RABGAP1L: variants seen among roughly 807,000 people sequenced by gnomAD.
RABGAP1L encodes the protein RAB GTPase activating protein 1 like.
A neutral mutation model predicts 137.7 loss-of-function variants in RABGAP1L; 63 were observed. The ratio of observed to expected loss-of-function variants is 0.46; its 90% CI spans 0.37 to 0.56. The LOEUF (loss-of-function observed/expected upper bound fraction) is 0.56. Among genes scored for constraint, RABGAP1L ranks in the 20% least tolerant of loss-of-function variants. The pLI, the probability that RABGAP1L is intolerant of heterozygous loss-of-function variation, is 0.00. For missense variants in RABGAP1L, 1,095 were observed against 1,244.0 expected, an observed-to-expected ratio of 0.88 and a Z score of 1.80; for synonymous variants, 431 against 433.7, an observed-to-expected ratio of 0.99 and a Z score of 0.08.
chr1:174,641,198 A>G (rs1674507981), intron 14 of RABGAP1L, among the ~76,000 whole-genome samples: 1 of 151,936 alleles, frequency 6.6e-6, no homozygotes, highest in Non-Finnish European at 1.5e-5. Flanking sequence ...AGGATACAAC[A>G]ATCTGACTTT....
Position 174,811,913 on chromosome 1 carries a change from G to A in RABGAP1L, c.2293G>A (p.Ala765Thr), listed in dbSNP as rs1689904226. The A allele has an allele frequency of 1.9e-6, 3 of 1,608,518 alleles. No individual in the cohort carries two copies. Among genetic ancestry groups the A allele is most frequent in the Non-Finnish European group, 2.5e-6 (3 of 1,177,212 alleles). Residue 765 changes from alanine (A) to threonine (T), a missense_variant, in exon 19 of 26, where the codon GCA becomes ACA. Around this residue, in one of 4 missense-constraint regions of RABGAP1L, gnomAD observed 312 missense variants for 435.6 expected, o/e 0.72. Transcript: ENST00000681986. ...AGTTCAGCTTCCAAAGAGATACAGG[G>A]CAGAGGAAAATGCAAGAAGACTGAT... ...FRVQLPKRYR[A>T]EENARRLMEQ...
At chr1:174,929,225 A>G (rs2149254414) in intron 19 of RABGAP1L, among the ~76,000 whole-genome samples, 1 of 152,280 alleles carries the variant, frequency 6.6e-6, no homozygotes, top group African/African-American at 2.4e-5. Flanking sequence ...AATAATAAAA[A>G]AGAAGATTGG....
intron 19 of RABGAP1L, among the ~76,000 whole-genome samples, chr1:174,904,299 G>C (rs1658665607): frequency 6.6e-6 from 1 of 151,388 alleles, no homozygotes; most frequent in African/African-American, 2.4e-5. Flanking sequence ...TGAGCCTGGG[G>C]GTTCAAGGTT....
chr1:174,439,610 C>T (rs1406624664), intron 13 of RABGAP1L, among the ~76,000 whole-genome samples: 1 of 152,114 alleles, frequency 6.6e-6, no homozygotes, highest in Admixed American at 6.6e-5. Flanking sequence ...TAATACTGCC[C>T]TTCATTTGAA....
chr1:174,579,802 G>T (rs938526059), intron 13 of RABGAP1L, among the ~76,000 whole-genome samples: 8 of 152,180 alleles, frequency 5.3e-5, no homozygotes, highest in Admixed American at 3.9e-4. Context: ...TCACTCTGTT[G>T]CCCAAGCTGG....
intron 13 of RABGAP1L, among the ~76,000 whole-genome samples, chr1:174,531,391 A>G (rs1664390264): frequency 6.6e-6 from 1 of 152,226 alleles, no homozygotes; most frequent in Non-Finnish European, 1.5e-5. Context: ...TCAGAGAAGC[A>G]GTCTAAGATG....
intron 19 of RABGAP1L, chr1:174,949,026 CAG>C (rs1667327139): frequency 6.6e-6 from 1 of 152,072 alleles, no homozygotes; most frequent in Admixed American, 6.5e-5. Context: ...ATTCTAAAAA[CAG>C]AACATGAAAT....
chr1:174,251,599 A>G (rs1672722625), intron 6 of RABGAP1L, among the ~76,000 whole-genome samples: 1 of 152,166 alleles, frequency 6.6e-6, no homozygotes, highest in Non-Finnish European at 1.5e-5. Flanking sequence ...TTATACATTG[A>G]TTATTTTAAT....
intron 19 of RABGAP1L, among the ~76,000 whole-genome samples, chr1:174,865,835 A>C (rs1050371088): frequency 1.3e-5 from 2 of 152,192 alleles, no homozygotes; most frequent in Non-Finnish European, 2.9e-5. Flanking sequence ...CATTTCATCT[A>C]CAATTGACTA....
intron 4 of RABGAP1L, among the ~76,000 whole-genome samples, chr1:174,240,197 G>A (rs1451476725): frequency 6.6e-6 from 1 of 152,040 alleles, no homozygotes; most frequent in Non-Finnish European, 1.5e-5. Flanking sequence ...TGAATGTGTA[G>A]ATCAGTCCAG....
intron 13 of RABGAP1L, among the ~76,000 whole-genome samples, chr1:174,506,391 C>T (rs1661817372): frequency 6.6e-6 from 1 of 152,068 alleles, no homozygotes; most frequent in South Asian, 2.1e-4. Flanking sequence ...TGGCCCTTTA[C>T]AGAAAACAAC....
At chr1:174,688,332 G>C (rs1678629906) in intron 15 of RABGAP1L, among the ~76,000 whole-genome samples, 1 of 151,808 alleles carries the variant, frequency 6.6e-6, no homozygotes, top group Non-Finnish European at 1.5e-5. Flanking sequence ...TACCTTTTTA[G>C]ACATTCAGAA....
chr1:174,238,247 G>A lies in RABGAP1L; in HGVS notation c.543-3236G>A, dbSNP rs566260843. Among the ~76,000 whole-genome samples the A allele has an allele frequency of 4.6e-3, 706 of 152,146 alleles. 25 individuals are homozygous for A. Among genetic ancestry groups the A allele is most frequent in the Admixed American group, 0.041 (619 of 15,262 alleles). ...TCCCGTAGCTCAGAGTAATTTGATC[G>A]TCTGAAGCCTTCTTCTCTCAGCTCG... On this transcript the variant is annotated intron_variant, in intron 4 of 25. Coordinates refer to ENST00000681986, the MANE Select transcript of RABGAP1L (RefSeq NM_001366446.1).
chr1:174,397,402 T>A (rs1371093380), intron 13 of RABGAP1L, among the ~76,000 whole-genome samples: 2 of 152,120 alleles, frequency 1.3e-5, no homozygotes, highest in Admixed American at 6.5e-5. Flanking sequence ...TCACTTGCCT[T>A]CACTCTGGGG....
chr1:174,811,476 A>G (rs984123920), intron 18 of RABGAP1L, among the ~76,000 whole-genome samples: 2 of 152,188 alleles, frequency 1.3e-5, no homozygotes, highest in African/African-American at 4.8e-5. Flanking sequence ...AGCTGAAGTC[A>G]CAGATTAGTC....
At chr1:174,599,272 T>A (rs1403503302) in intron 13 of RABGAP1L, among the ~76,000 whole-genome samples, 1 of 152,254 alleles carries the variant, frequency 6.6e-6, no homozygotes, top group Non-Finnish European at 1.5e-5. Context: ...TTCTTGTTGT[T>A]TCTATTTAAA....
intron 22 of RABGAP1L, among the ~76,000 whole-genome samples, chr1:174,976,853 T>C (rs1670687981): frequency 6.6e-6 from 1 of 152,182 alleles, no homozygotes; most frequent in Non-Finnish European, 1.5e-5. Context: ...AATTGGAGCT[T>C]TCCGCTTCCC....
At chr1:174,850,808 G>A (rs1417442460) in intron 19 of RABGAP1L, among the ~76,000 whole-genome samples, 2 of 152,196 alleles carry the variant, frequency 1.3e-5, no homozygotes, top group African/African-American at 4.8e-5. Context: ...TGAAAGCAGA[G>A]AGCTTTCTTT....
rs542061962 is a variant in RABGAP1L, at chr1:174,314,721, A to G, written c.1465+9594A>G. 9.6e-4 allele frequency among the ~76,000 whole-genome samples: 146 copies of G among 152,120 alleles called. 1 individual carries two copies. Among genetic ancestry groups the G allele is most frequent in the Middle Eastern group, 3.4e-3 (1 of 294 alleles). On this transcript the variant is annotated intron_variant, in intron 11 of 25. Coordinates refer to ENST00000681986, the MANE Select transcript of RABGAP1L (RefSeq NM_001366446.1). The stretch of plus-strand genomic sequence containing the variant: ...ATCATTTATTTCACGAAATTTTTCA[A>G]TTTCCTTCTCAATTTCTTCATTGAC...
Sources: allele counts gnomAD v4.1 joint callset (sites outside exome capture counted in the v4.1 genomes callset), GRCh38; gene constraint gnomAD v4.1.1; regional missense constraint gnomAD v4.1.1; transcripts MANE v1.5; gene names NCBI Gene and HGNC (gene_info 2026-07-23, HGNC 2026-07-21).